FRMD4A: variants seen among roughly 807,000 people sequenced by gnomAD.
FRMD4A encodes FERM domain-containing protein 4A.
A neutral mutation model predicts 129.1 loss-of-function variants in FRMD4A; 29 were observed. The ratio of observed to expected loss-of-function variants is 0.22; its 90% CI spans 0.17 to 0.31. The LOEUF is 0.31. Among genes scored for constraint, FRMD4A ranks in the 10% least tolerant of loss-of-function variants. FRMD4A has a pLI of 1.00. For synonymous variants in FRMD4A, 634 were observed against 571.6 expected (o/e 1.11, Z -1.56); for missense variants, 1,272 against 1,375.8 (o/e 0.92, Z 1.19).
At chr10:14,088,872 A>G (rs1383647709) in intron 2 of FRMD4A, among the ~76,000 whole-genome samples, 2 of 151,748 alleles carry the variant, frequency 1.3e-5, no homozygotes, top group East Asian at 1.9e-4. Flanking sequence ...CTAGAGGTCC[A>G]TAAAGAGGCA....
At chr10:13,884,150 A>ACT (rs1564970669) in intron 2 of FRMD4A, among the ~76,000 whole-genome samples, 784 of 20,946 alleles carry the variant, frequency 0.037, 16 homozygotes, top group African/African-American at 0.077. Flanking sequence ...ACACTCTCAC[A>ACT]CACTCTCACA....
chr10:14,195,062 T>C (rs192567321), intron 2 of FRMD4A, among the ~76,000 whole-genome samples: 125 of 152,318 alleles, frequency 8.2e-4, no homozygotes, highest in Non-Finnish European at 1.6e-3. Context: ...GAAATAGCAA[T>C]TCTTATTCTC....
intron 3 of FRMD4A, among the ~76,000 whole-genome samples, chr10:13,846,211 A>G (rs1384615637): frequency 6.6e-6 from 1 of 152,252 alleles, no homozygotes; most frequent in Admixed American, 6.5e-5. Flanking sequence ...TATGGTGTAT[A>G]AAATTCAGGT....
chr10:13,835,952 TA>T (rs2093866383), intron 3 of FRMD4A, among the ~76,000 whole-genome samples: 1 of 152,192 alleles, frequency 6.6e-6, no homozygotes, highest in Non-Finnish European at 1.5e-5. Flanking sequence ...ACTAAGTATT[TA>T]GAGAGTGTCT....
chr10:13,757,519 G>A (rs1192054201), intron 8 of FRMD4A, among the ~76,000 whole-genome samples: 1 of 152,156 alleles, frequency 6.6e-6, no homozygotes, highest in Non-Finnish European at 1.5e-5. Flanking sequence ...CGCTAAACCT[G>A]ACATTTCAGT....
intron 2 of FRMD4A, among the ~76,000 whole-genome samples, chr10:13,889,208 C>T (rs916244480): frequency 6.6e-5 from 10 of 152,350 alleles, no homozygotes; most frequent in Non-Finnish European, 1.3e-4. Flanking sequence ...AATATGAGAT[C>T]TCCTGAACCT....
intron 2 of FRMD4A, among the ~76,000 whole-genome samples, chr10:13,898,422 A>G (rs894315410): frequency 6.6e-6 from 1 of 152,220 alleles, no homozygotes; most frequent in African/African-American, 2.4e-5. Context: ...TTAGAGGTCC[A>G]AGGTGGCCTG....
intron 2 of FRMD4A, among the ~76,000 whole-genome samples, chr10:14,041,185 A>G (rs551372327): frequency 1.3e-5 from 2 of 152,294 alleles, no homozygotes; most frequent in East Asian, 3.9e-4. Flanking sequence ...CTGAAATTGG[A>G]CAATCAGAGC....
At chr10:13,793,653 C>A (rs777988893) in intron 5 of FRMD4A, among the ~76,000 whole-genome samples, 1 of 152,128 alleles carries the variant, frequency 6.6e-6, no homozygotes, top group South Asian at 2.1e-4. Flanking sequence ...AGAGCCCAAC[C>A]GTGCTTCTGT....
chr10:13,986,669 AT>A (rs2095582577), intron 2 of FRMD4A, among the ~76,000 whole-genome samples: 1 of 144,912 alleles, frequency 6.9e-6, no homozygotes, highest in Non-Finnish European at 1.5e-5. Flanking sequence ...AAATAAATAA[AT>A]AAATAAAATA....
chr10:14,031,292 A>G (rs1320955412), intron 2 of FRMD4A, among the ~76,000 whole-genome samples: 4 of 145,616 alleles, frequency 2.7e-5, no homozygotes, highest in Non-Finnish European at 4.5e-5. Context: ...TTTGAGATGG[A>G]GTTTCACTCT....
At chr10:13,981,823 T>A (rs898268709) in intron 2 of FRMD4A, among the ~76,000 whole-genome samples, 1 of 151,360 alleles carries the variant, frequency 6.6e-6, no homozygotes, top group African/African-American at 2.4e-5. Flanking sequence ...AATTTTCTGT[T>A]CTTCCTGTTA....
intron 4 of FRMD4A, among the ~76,000 whole-genome samples, chr10:13,797,427 C>T (rs1025829532): frequency 6.6e-6 from 1 of 152,106 alleles, no homozygotes; most frequent in Non-Finnish European, 1.5e-5. Context: ...AGGGGAACCA[C>T]TTTCCAGGCA....
In FRMD4A at chr10:14,086,724, G is replaced by GT. The variant is rs954041127; in HGVS notation, c.46-227813dup. ...GAGAGCTTACTTATATAATGTATGG[G>GT]TTTTTTTTGTTATTGTTTTAGAATG... On this transcript the variant is annotated intron_variant, in intron 2 of 24. Coordinates refer to ENST00000357447, the MANE Select transcript of FRMD4A (RefSeq NM_018027.5). Among the ~76,000 whole-genome samples, 11 of 151,828 alleles carry GT rather than the reference G, an allele frequency of 7.2e-5. 1 individual carries two copies. Among genetic ancestry groups the GT allele is most frequent in the Admixed American group, 2.0e-4 (3 of 15,242 alleles).
intron 21 of FRMD4A, among the ~76,000 whole-genome samples, chr10:13,658,584 AG>A (rs1473661004): frequency 1.3e-5 from 2 of 152,196 alleles, no homozygotes; most frequent in Non-Finnish European, 2.9e-5. Flanking sequence ...GCTTCTTTTT[AG>A]AAAAAGAAGG....
At chr10:14,061,311 G>C (rs552495499) in intron 2 of FRMD4A, among the ~76,000 whole-genome samples, 2 of 152,092 alleles carry the variant, frequency 1.3e-5, no homozygotes, top group Admixed American at 6.5e-5. Flanking sequence ...AATTATCCAG[G>C]TGTGGTGATG....
intron 13 of FRMD4A, among the ~76,000 whole-genome samples, chr10:13,702,540 A>ATGTGTG (rs398012859): frequency 1.9e-5 from 2 of 107,718 alleles, no homozygotes; most frequent in Admixed American, 1.1e-4. Context: ...GTGTGTTTGC[A>ATGTGTG]TGTGTGTGTG....
At chr10:13,758,705 G>A (rs902283502) in intron 8 of FRMD4A, among the ~76,000 whole-genome samples, 3 of 151,998 alleles carry the variant, frequency 2.0e-5, no homozygotes, top group African/African-American at 7.3e-5. Context: ...CCTTCTTTTC[G>A]CTTAATAATC....
chr10:14,262,561 C>T (rs1844841967), intron 2 of FRMD4A, among the ~76,000 whole-genome samples: 1 of 152,186 alleles, frequency 6.6e-6, no homozygotes, highest in Non-Finnish European at 1.5e-5. Flanking sequence ...TCTTCTCCTT[C>T]CTGGGGCTAA....
Sources: gnomAD v4.1 joint callset for allele counts (sites outside exome capture counted in the v4.1 genomes callset) on GRCh38, gnomAD v4.1.1 for gene constraint, MANE v1.5 for transcripts, NCBI Gene and HGNC (gene_info 2026-07-23, HGNC 2026-07-21) for gene names.